MACROD2: variants seen among roughly 807,000 people sequenced by gnomAD.
MACROD2 encodes the protein ADP-ribose glycohydrolase MACROD2.
In MACROD2, 36 loss-of-function variants were observed where a neutral mutation model predicts 70.4. The observed-to-expected ratio is 0.51, with a 90% CI of 0.39 to 0.68. The LOEUF (loss-of-function observed/expected upper bound fraction) is 0.68, where lower values mean the gene tolerates loss of function less well. Ranked by LOEUF, MACROD2 falls within the 30% of genes least tolerant of loss-of-function variation. MACROD2 has a pLI of 0.00. For synonymous variants in MACROD2, 172 were observed against 178.8 expected, an observed-to-expected ratio of 0.96 and a Z score of 0.30; for missense variants, 496 against 538.4, an observed-to-expected ratio of 0.92 and a Z score of 0.78.
chr20:14,992,589 G>T (rs1168478563), intron 5 of MACROD2, among the ~76,000 whole-genome samples: 7 of 152,010 alleles, frequency 4.6e-5, no homozygotes, highest in Admixed American at 4.6e-4. Flanking sequence ...AGATGTAAAA[G>T]AATTTACACA....
intron 8 of MACROD2, among the ~76,000 whole-genome samples, chr20:15,841,536 G>A (rs1600980201): frequency 6.6e-6 from 1 of 152,170 alleles, no homozygotes; most frequent in South Asian, 2.1e-4. Context: ...GCAAGTGAGG[G>A]GGAGTTGCTG....
In MACROD2 at chr20:15,175,838, A is replaced by C. The variant is rs902061588; in HGVS notation, c.419-54102A>C. ...CATAGAGCCAGTGGGGGCCAGGAACAGGCGGGAGCCCCAGCCCCTACCAAG... is the reference window on the plus strand; with the variant it reads ...CATAGAGCCAGTGGGGGCCAGGAACCGGCGGGAGCCCCAGCCCCTACCAAG... On this transcript the variant is annotated intron_variant, in intron 5 of 17. Transcript: ENST00000684519. Among the ~76,000 whole-genome samples the C allele has an allele frequency of 6.6e-5, 10 of 152,354 alleles. 1 individual carries two copies. The highest frequency in any genetic ancestry group is 2.6e-4 in the Admixed American group (4 of 15,298).
intron 5 of MACROD2, among the ~76,000 whole-genome samples, chr20:15,185,873 T>G (rs114076728): frequency 0.02 from 3,083 of 152,296 alleles, 108 homozygotes; most frequent in African/African-American, 0.071. Context: ...AAGTGGATAT[T>G]CAAACTCCTG....
chr20:14,609,010 C>T (rs573225533), intron 4 of MACROD2, among the ~76,000 whole-genome samples: 101 of 152,080 alleles, frequency 6.6e-4, no homozygotes, highest in Non-Finnish European at 1.4e-3. Context: ...GACAGGGGAA[C>T]TTGGTGAGGT....
At chr20:15,233,388 C>G (rs536195201) in intron 6 of MACROD2, among the ~76,000 whole-genome samples, 7 of 151,872 alleles carry the variant, frequency 4.6e-5, no homozygotes, top group African/African-American at 1.7e-4. Context: ...TGGAGAAAAA[C>G]AGAAAAAAGA....
In MACROD2 at chr20:14,034,137, A is replaced by G. The variant is rs908655251; in HGVS notation, c.163+31733A>G. 1.7e-4 allele frequency among the ~76,000 whole-genome samples: 26 copies of G among 151,808 alleles called. 1 individual carries two copies. ...CAGGCGCCCGCCACCACACCAGGCT[A>G]ATTTCTTTTTGTATTTTTAGTAGAG... On this transcript the variant is annotated intron_variant, in intron 2 of 17. Transcript: ENST00000684519.
chr20:14,336,179 C>A (rs1229163898), intron 3 of MACROD2, among the ~76,000 whole-genome samples: 1 of 151,950 alleles, frequency 6.6e-6, no homozygotes, highest in East Asian at 1.9e-4. Flanking sequence ...AAGGACTTTT[C>A]TAGTGGCTTT....
intron 3 of MACROD2, among the ~76,000 whole-genome samples, chr20:14,359,673 A>G (rs1443247283): frequency 9.2e-5 from 14 of 152,122 alleles, no homozygotes; most frequent in Admixed American, 9.2e-4. Context: ...GGAGTTTGAG[A>G]CCAGCCTGAG....
chr20:15,582,745 C>T (rs2048542824), intron 8 of MACROD2, among the ~76,000 whole-genome samples: 1 of 152,152 alleles, frequency 6.6e-6, no homozygotes. Context: ...GGAGAAAAGA[C>T]GTGTCCTGCA....
intron 5 of MACROD2, among the ~76,000 whole-genome samples, chr20:15,145,761 T>A (rs1011670292): frequency 6.6e-6 from 1 of 152,098 alleles, no homozygotes; most frequent in Admixed American, 6.5e-5. Context: ...TTTAAAAAAA[T>A]TTTATATAAA....
At chr20:14,304,763 C>T (rs1294969908) in intron 3 of MACROD2, among the ~76,000 whole-genome samples, 2 of 74,552 alleles carry the variant, frequency 2.7e-5, no homozygotes, top group African/African-American at 1.1e-4. Flanking sequence ...TTGTCTTTGT[C>T]TTTTTTATGT....
intron 3 of MACROD2, among the ~76,000 whole-genome samples, chr20:14,228,170 TATAG>T (rs1481663234): frequency 8.5e-4 from 8 of 9,440 alleles, no homozygotes; most frequent in African/African-American, 1.3e-3. Context: ...TATGTATATA[TATAG>T]AGAGAGAGAG....
At chr20:14,277,264 A>C (rs543299967) in intron 3 of MACROD2, among the ~76,000 whole-genome samples, 1 of 152,284 alleles carries the variant, frequency 6.6e-6, no homozygotes, top group African/African-American at 2.4e-5. Context: ...CCTGGCCAAC[A>C]TGGTGAAACC....
intron 5 of MACROD2, among the ~76,000 whole-genome samples, chr20:14,877,525 G>A (rs1021470187): frequency 2.6e-5 from 4 of 152,042 alleles, no homozygotes; most frequent in African/African-American, 9.7e-5. Context: ...TCCTTGTCTT[G>A]TTCCTCTTCT....
chr20:15,645,905 C>T (rs2049533823), intron 8 of MACROD2, among the ~76,000 whole-genome samples: 1 of 152,192 alleles, frequency 6.6e-6, no homozygotes, highest in Admixed American at 6.5e-5. Context: ...TTTGAAATCA[C>T]ATACACATGC....
At chr20:14,764,684 C>T (rs552628948) in intron 5 of MACROD2, among the ~76,000 whole-genome samples, 9 of 152,132 alleles carry the variant, frequency 5.9e-5, no homozygotes, top group African/African-American at 2.2e-4. Flanking sequence ...AGTATTGTAC[C>T]AAATTCCTAG....
chr20:14,327,221 C>A (rs1460890844), intron 3 of MACROD2: 1 of 1,613,618 alleles, frequency 6.2e-7, no homozygotes, highest in Non-Finnish European at 8.5e-7. Flanking sequence ...GGAAATTCAT[C>A]TAAACTGTTG....
intron 6 of MACROD2, among the ~76,000 whole-genome samples, chr20:15,254,938 T>A (rs1400246878): frequency 2.7e-5 from 4 of 147,210 alleles, no homozygotes; most frequent in Admixed American, 6.8e-5. Context: ...CCTTTTTTTT[T>A]TTTTTTTTTT....
chr20:15,578,928 C>T (rs139360882), intron 8 of MACROD2, among the ~76,000 whole-genome samples: 167 of 152,140 alleles, frequency 1.1e-3, no homozygotes, highest in Middle Eastern at 6.8e-3. Context: ...ATAGATATAG[C>T]GATATGGGGA....
Sources: allele counts gnomAD v4.1 joint callset (sites outside exome capture counted in the v4.1 genomes callset), GRCh38; gene constraint gnomAD v4.1.1; transcripts MANE v1.5; gene names NCBI Gene and HGNC (gene_info 2026-07-23, HGNC 2026-07-21).